Variants in PSD observed in about 807,000 individuals in gnomAD.
The protein encoded by PSD is PH and SEC7 domain-containing protein 1.
PSD carries 32 observed loss-of-function variants against 91.6 expected under a neutral mutation model. The ratio of observed to expected loss-of-function variants is 0.35; its 90% CI spans 0.26 to 0.47. PSD has a LOEUF of 0.47. Ranked by LOEUF, PSD falls within the 20% of genes least tolerant of loss-of-function variation. PSD has a pLI of 1.00. For missense variants in PSD, 1,099 were observed against 1,373.9 expected (o/e 0.80, Z 3.16); for synonymous variants, 532 against 569.3 (o/e 0.93, Z 0.93).
intron 3 of PSD, 80 bp downstream of exon 3, chr10:102,415,937 G>A: frequency 9.3e-7 from 1 of 1,079,638 alleles, no homozygotes; most frequent in South Asian, 1.5e-5. Flanking sequence ...GGGGAAGTTT[G>A]AAGGAGGGCT....
rs529255069 is a variant in PSD at position 102,408,661 on chromosome 10, C to A, written c.2092-1395G>T. Among the ~76,000 whole-genome samples the A allele has an allele frequency of 2.5e-4, 38 of 152,346 alleles. No individual in the cohort carries two copies. In the South Asian group the frequency reaches 7.7e-3, roughly 31 times the overall value. ...CTCATTCGAGGGCCCTGAACCCCAT[C>A]GGTGGGCCGCAAGTCATATTCAATC... On this transcript the variant is annotated intron_variant, in intron 10 of 16. Transcript: ENST00000020673.
rs748504306 is a variant in PSD at position 102,417,047 on chromosome 10, C to T, written c.-9G>A. 92 of 1,305,460 alleles carry T rather than the reference C, an allele frequency of 7.0e-5. No homozygotes were observed. Among genetic ancestry groups the T allele is most frequent in the Admixed American group, 4.3e-4 (13 of 30,336 alleles). 80.9% of individuals were successfully genotyped at this position (1,305,460 alleles called of 1,614,324 possible). ...ATGGCACCCTGGGCCATGCTGGGGCCGGGGGTCAGGCTGGGGGGGCAGGGA... is the reference window on the plus strand; with the variant it reads ...ATGGCACCCTGGGCCATGCTGGGGCTGGGGGTCAGGCTGGGGGGGCAGGGA... On this transcript the variant is annotated 5_prime_UTR_variant, in exon 2 of 17. Transcript: ENST00000020673.
At chr10:102,418,856 C>T, upstream of PSD, 1 of 393,558 alleles carries the variant, frequency 2.5e-6, no homozygotes, top group South Asian at 1.8e-5. Context: ...GCTAATCCCC[C>T]CCACCCCCCG....
chr10:102,405,408 G>A lies in PSD; in HGVS notation c.2264C>T (p.Ala755Val). 1 of 1,613,950 alleles carries A rather than the reference G, an allele frequency of 6.2e-7. No homozygotes were observed. The highest frequency in any genetic ancestry group is 1.1e-5 in the South Asian group (1 of 91,086). Reference protein sequence around the residue: ...PFLDLTPEPGAAVYKHGALVR... With the variant: ...PFLDLTPEPGVAVYKHGALVR... The stretch of plus-strand genomic sequence containing the variant: ...CAGGGCCCCGTGCTTGTAGACGGCA[G>A]CCCCAGGCTCGGGAGTCAGGTCCAG... Residue 755 changes from alanine (A) to valine (V), a missense_variant, in exon 12 of 17, where the codon GCT becomes GTT. Coordinates refer to ENST00000020673, the MANE Select transcript of PSD (RefSeq NM_002779.5). The surrounding 1 kb of genome is among the most constrained non-coding windows in gnomAD (Gnocchi z 5.4).
chr10:102,409,228 T>A lies in PSD; in HGVS notation c.2091+1630A>T. ...GCGGCCCGGCCCGAGCCGGCCCGGC[T>A]CTCACGGACGCACGGAGTGCGCGGC... On this transcript the variant is annotated intron_variant, in intron 10 of 16. Coordinates refer to ENST00000020673, the MANE Select transcript of PSD (RefSeq NM_002779.5). The surrounding 1 kb of genome is among the most constrained non-coding windows in gnomAD (Gnocchi z 5.7). 1.0e-6 allele frequency: 1 copy of A among 983,302 alleles called. No individual in the cohort carries two copies. Among genetic ancestry groups the A allele is most frequent in the South Asian group, 4.6e-5 (1 of 21,788 alleles). The allele number at this position is 983,302 out of a possible 1,614,324, so 60.9% of individuals were successfully genotyped here.
At chr10:102,411,268 T>A in intron 8 of PSD, 152 bp from the exon 9 acceptor site, 1 of 173,472 alleles carries the variant, frequency 5.8e-6, no homozygotes, top group Non-Finnish European at 9.2e-6. Context: ...AAAGAGCTCC[T>A]CTTCCAGCAG....
Position 102,405,450 on chromosome 10 carries a change from C to A in PSD, c.2222G>T (p.Ser741Ile). The A allele has an allele frequency of 6.2e-7, 1 of 1,614,010 alleles. No individual in the cohort carries two copies. The highest frequency in any genetic ancestry group is 8.5e-7 in the Non-Finnish European group (1 of 1,180,008). The change falls in exon 12 of 17, where the codon AGT (serine) becomes ATT (isoleucine). Residue 741 changes from serine to isoleucine, a missense_variant. Ser to Ile is a moderately radical substitution (Grantham distance 142, BLOSUM62 -2). This residue lies in a region of PSD where 358 missense variants were observed against 426.5 expected (regional missense o/e 0.84). Transcript: ENST00000020673. This position sits in a 1 kb window ranked among gnomAD's most constrained non-coding sequence, Gnocchi z 5.4. The stretch of plus-strand genomic sequence containing the variant: ...CAGGTCCAGGAAAGGGCTGGAGCCA[C>A]TGCCACTGCCCCCGCTGATCCGCTT... ...VIKRISGGSGSGSSPFLDLTP... is the reference protein window; with the variant it reads ...VIKRISGGSGIGSSPFLDLTP...
rs780429599 is a variant in PSD at position 102,403,943 on chromosome 10, C to A, written c.2743G>T (p.Ala915Ser). ...GCCCGGTGCTCCCGCAGCTCACTTGCCATGGCCTTCAGCTTGGCCTCGTGG... is the reference window on the plus strand; with the variant it reads ...GCCCGGTGCTCCCGCAGCTCACTTGACATGGCCTTCAGCTTGGCCTCGTGG... ...RTHEAKLKAM[A>S]SELREHRAAQ... Residue 915 changes from alanine to serine, a missense_variant, in exon 16 of 17, where the codon GCA becomes TCA. By Grantham distance (99) the Ala-to-Ser change is moderately conservative (BLOSUM62 1). This residue lies in a region of PSD where 358 missense variants were observed against 426.5 expected (regional missense o/e 0.84). Transcript: ENST00000020673. This position sits in a 1 kb window ranked among gnomAD's most constrained non-coding sequence, Gnocchi z 6.7. The A allele has an allele frequency of 6.3e-7, 1 of 1,581,412 alleles. No individual in the cohort carries two copies.
chr10:102,419,932 G>A, upstream of PSD: 1 of 276,170 alleles, frequency 3.6e-6, no homozygotes, highest in Non-Finnish European at 7.1e-6. The surrounding 1 kb of genome is among the most constrained non-coding windows in gnomAD (Gnocchi z 4.8). Context: ...TCGCTGCCTT[G>A]CGGGGTGGGG....
At chr10:102,406,620 G>A (rs2061364334) in intron 11 of PSD, among the ~76,000 whole-genome samples, 1 of 150,644 alleles carries the variant, frequency 6.6e-6, no homozygotes, top group Non-Finnish European at 1.5e-5. Flanking sequence ...GCATTCTCCT[G>A]CCTCAGCCTC....
rs1174443167 is a variant in PSD, at chr10:102,403,898, C to A, written c.2788G>T (p.Gly930Cys). Residue 930 changes from glycine to cysteine, a missense_variant, in exon 16 of 17, where the codon GGC becomes TGC. This residue lies in a region of PSD where 358 missense variants were observed against 426.5 expected (regional missense o/e 0.84). Transcript: ENST00000020673. This position sits in a 1 kb window ranked among gnomAD's most constrained non-coding sequence, Gnocchi z 6.7. Reference protein sequence around the residue: ...EHRAAQLGKKGRGKEAEEQRQ... With the variant: ...EHRAAQLGKKCRGKEAEEQRQ... ...TGCTCTTCAGCCTCCTTGCCCCGGC[C>A]CTTCTTGCCCAGCTGGGCGGCCCGG... The A allele has an allele frequency of 6.2e-7, 1 of 1,605,726 alleles. No homozygotes were observed. The highest frequency in any genetic ancestry group is 1.1e-5 in the South Asian group (1 of 89,606).
chr10:102,416,106 G>A lies in PSD; in HGVS notation c.668C>T (p.Ser223Phe), dbSNP rs1202885361. The change falls in exon 3 of 17, where the codon TCC (serine) becomes TTC (phenylalanine). Residue 223 changes from serine (S) to phenylalanine (F), a missense_variant. Physicochemically the swap from Ser to Phe is radical, Grantham distance 155. This residue lies in a region of PSD where 631 missense variants were observed against 728.8 expected (regional missense o/e 0.87). Coordinates refer to ENST00000020673, the MANE Select transcript of PSD (RefSeq NM_002779.5). This position sits in a 1 kb window ranked among gnomAD's most constrained non-coding sequence, Gnocchi z 6.0. ...ATGAGAGGAGACTTCCCGGGGGGAGGACCAGGTATCCCCCTGAGCCAACGA... is the reference window on the plus strand; with the variant it reads ...ATGAGAGGAGACTTCCCGGGGGGAGAACCAGGTATCCCCCTGAGCCAACGA... ...TGFLNQGDTW[S>F]SPREVSSHAQ... The A allele has an allele frequency of 6.2e-7, 1 of 1,612,710 alleles. No individual in the cohort carries two copies. The highest frequency in any genetic ancestry group is 8.5e-7 in the Non-Finnish European group (1 of 1,179,016).
Position 102,411,806 on chromosome 10 carries a change from C to T in PSD, c.1843G>A (p.Glu615Lys). The change falls in exon 8 of 17, where the codon GAG becomes AAG. Residue 615 changes from glutamate to lysine, a missense_variant. By Grantham distance (56) the Glu-to-Lys change is moderately conservative (BLOSUM62 1). Transcript: ENST00000020673. ...LDQALRVFLKELALMGETQER... is the reference protein window; with the variant it reads ...LDQALRVFLKKLALMGETQER... The stretch of plus-strand genomic sequence containing the variant: ...TGGGTCTCACCCATTAAGGCCAGCT[C>T]CTTCAGAAACACCCTGGAGAAGGGG... 6.2e-7 allele frequency: 1 copy of T among 1,612,288 alleles called. No individual in the cohort carries two copies. The highest frequency in any genetic ancestry group is 8.5e-7 in the Non-Finnish European group (1 of 1,179,210).
At chr10:102,407,411 A>G (rs2061374769) in intron 10 of PSD, 145 bp from the exon 11 acceptor site, 1 of 519,204 alleles carries the variant, frequency 1.9e-6, no homozygotes, top group Admixed American at 4.1e-5. Context: ...CAGGCTCCAG[A>G]ATGGAGACCC....
rs570706761 is a variant in PSD, at chr10:102,403,808, G to A, written c.2844+34C>T. The A allele has an allele frequency of 6.6e-5, 106 of 1,597,758 alleles. 1 individual carries two copies. The South Asian group carries it at 8.9e-4, about 13-fold the overall frequency. ...GCCCTTCACCCTAGTATGGGCCTGC[G>A]TGTGTGGACAGAGGGGCAGACAGGG... On this transcript the variant is annotated intron_variant, in intron 16 of 16. Transcript: ENST00000020673. This position sits in a 1 kb window ranked among gnomAD's most constrained non-coding sequence, Gnocchi z 6.7.
In PSD at chr10:102,403,962, C is replaced by T. The variant is rs1323594535; in HGVS notation, c.2724G>A (p.Glu908=). ...CACTTGCCATGGCCTTCAGCTTGGC[C>T]TCGTGGGTCCGCACCTGCTCCTCCT... The part of the protein sequence containing the change: ...LSQEEQVRTH[E]AKLKAMASEL... The change falls in exon 16 of 17, where the codon GAG becomes GAA. Residue 908 remains glutamate, a synonymous_variant. Transcript: ENST00000020673. The surrounding 1 kb of genome is among the most constrained non-coding windows in gnomAD (Gnocchi z 6.7). 50 of 1,565,758 alleles carry T rather than the reference C, an allele frequency of 3.2e-5. 1 individual carries two copies. In the Admixed American group the frequency reaches 9.4e-4, roughly 29 times the overall value.
intron 8 of PSD, 72 bp downstream of exon 8, chr10:102,411,633 TAC>T (rs140066032): frequency 8.7e-5 from 95 of 1,096,450 alleles, no homozygotes; most frequent in Non-Finnish European, 1.1e-4. Flanking sequence ...CATGCTCCTG[TAC>T]ACACACACAG....
At position 102,404,181 on chromosome 10, in the gene PSD, TA is replaced by T. The variant is rs2061329971; in HGVS notation, c.2701-197del. On this transcript the variant is annotated intron_variant, in intron 15 of 16. Transcript: ENST00000020673. The surrounding 1 kb of genome is among the most constrained non-coding windows in gnomAD (Gnocchi z 5.7). ...GGCTAACACGGTGAAACCCCGTCTC[TA>T]CTAAAAATATAAAAAATTAGCCAGG... is the stretch of plus-strand genomic sequence containing the variant. 6.6e-6 allele frequency among the ~76,000 whole-genome samples: 1 copy of T among 152,104 alleles called. No homozygotes were observed. The highest frequency in any genetic ancestry group is 2.4e-5 in the African/African-American group (1 of 41,422).
chr10:102,415,866 A>G lies in PSD; in HGVS notation c.757+151T>C, dbSNP rs968544778. On this transcript the variant is annotated intron_variant, in intron 3 of 16. Transcript: ENST00000020673. Reference sequence around the variant, plus strand: ...ATCCTCCAGCCTCCCATCATAGCGCAGATGGAAAGATTGAGGCCTGGGGAG... The same window carrying G: ...ATCCTCCAGCCTCCCATCATAGCGCGGATGGAAAGATTGAGGCCTGGGGAG... 3 of 611,430 alleles carry G rather than the reference A, an allele frequency of 4.9e-6. No homozygotes were observed. In the African/African-American group the frequency reaches 5.6e-5, roughly 11 times the overall value. The allele number at this position is 611,430 out of a possible 1,614,324, so 37.9% of individuals were successfully genotyped here. A position where few individuals can be genotyped will look rare whatever the true frequency, so the allele number is the denominator to read the frequency against.
Sources: allele counts gnomAD v4.1 joint callset (sites outside exome capture counted in the v4.1 genomes callset), GRCh38; gene constraint gnomAD v4.1.1; regional missense constraint gnomAD v4.1.1; non-coding constraint Gnocchi (gnomAD v3.1); transcripts MANE v1.5; gene names NCBI Gene and HGNC (gene_info 2026-07-23, HGNC 2026-07-21).